The following LPP variants were observed in gnomAD, a reference collection of about 807,000 sequenced individuals.
LPP encodes the protein LIM domain containing preferred translocation partner in lipoma, also known as lipoma-preferred partner.
LPP carries 38 observed loss-of-function variants against 60.4 expected under a neutral mutation model. The ratio of observed to expected loss-of-function variants is 0.63; its 90% CI spans 0.49 to 0.83. LPP has a LOEUF of 0.83. Among genes scored for constraint, LPP ranks in the 40% least tolerant of loss-of-function variants. LPP has a pLI of 0.00. For missense variants in LPP, 902 were observed against 783.6 expected (o/e 1.15, Z -1.80); for synonymous variants, 328 against 290.8 (o/e 1.13, Z -1.30).
chr3:188,696,993 C>T (rs1312624565), intron 7 of LPP, among the ~76,000 whole-genome samples: 1 of 152,152 alleles, frequency 6.6e-6, no homozygotes, highest in Non-Finnish European at 1.5e-5. Flanking sequence ...ACTTTTTTCT[C>T]TTCTTTGGCT....
At chr3:188,732,716 C>CAAAAAAAAA (rs1167795146) in intron 8 of LPP, among the ~76,000 whole-genome samples, 1 of 74,344 alleles carries the variant, frequency 1.3e-5, no homozygotes, top group Non-Finnish European at 2.4e-5. Context: ...AGACTCTTAT[C>CAAAAAAAAA]AAAAAAAAAA....
chr3:188,555,014 A>G (rs1829133705), intron 6 of LPP, among the ~76,000 whole-genome samples: 1 of 152,148 alleles, frequency 6.6e-6, no homozygotes, highest in African/African-American at 2.4e-5. Context: ...CATAGTTGCT[A>G]TTCTGCACAA....
At chr3:188,491,882 T>A (rs1808482604) in intron 5 of LPP, among the ~76,000 whole-genome samples, 2 of 152,224 alleles carry the variant, frequency 1.3e-5, no homozygotes, top group Admixed American at 1.3e-4. Flanking sequence ...ATTAGGAAAC[T>A]TTTAATGGAA....
At chr3:188,786,382 CAAAAAAAAAAAAAAAAA>C (rs57565042) in intron 9 of LPP, among the ~76,000 whole-genome samples, 2 of 76,656 alleles carry the variant, frequency 2.6e-5, no homozygotes, top group African/African-American at 4.8e-5. Context: ...GACTCCGTCT[CAAAAAAAAAAAAAAAAA>C]AAAAAAAAAA....
intron 1 of LPP, among the ~76,000 whole-genome samples, chr3:188,177,421 A>G (rs1178200131): frequency 6.6e-6 from 1 of 152,190 alleles, no homozygotes; most frequent in Non-Finnish European, 1.5e-5. Flanking sequence ...GGACCAGCAT[A>G]GGAGGGTGGC....
chr3:188,766,379 A>AAAAAAAAAAAAAAAAAAT (rs1217247163), intron 9 of LPP, among the ~76,000 whole-genome samples: 1 of 69,182 alleles, frequency 1.4e-5, no homozygotes, highest in South Asian at 4.5e-4. Flanking sequence ...CTTAAAAAGC[A>AAAAAAAAAAAAAAAAAAT]AAAAAAAAAG....
intron 9 of LPP, among the ~76,000 whole-genome samples, chr3:188,775,250 A>G (rs1021906953): frequency 3.9e-5 from 6 of 151,946 alleles, no homozygotes. Context: ...ACGGGGTTTC[A>G]CCATGTTGGC....
At chr3:188,473,662 A>G (rs1463816871) in intron 4 of LPP, among the ~76,000 whole-genome samples, 1 of 152,154 alleles carries the variant, frequency 6.6e-6, no homozygotes, top group Non-Finnish European at 1.5e-5. Flanking sequence ...GTATTTTCAA[A>G]TTCTGTCTAT....
intron 2 of LPP, among the ~76,000 whole-genome samples, chr3:188,261,590 T>C (rs1355743029): frequency 3.3e-5 from 5 of 152,156 alleles, no homozygotes; most frequent in African/African-American, 9.7e-5. Context: ...AAATCATATA[T>C]AGCTTCATGA....
intron 2 of LPP, among the ~76,000 whole-genome samples, chr3:188,337,798 C>G (rs924687819): frequency 6.6e-6 from 1 of 152,158 alleles, no homozygotes; most frequent in Non-Finnish European, 1.5e-5. Flanking sequence ...TCGTGCCTGG[C>G]CCAGTTATTT....
chr3:188,767,843 C>T (rs1734641434), intron 9 of LPP, among the ~76,000 whole-genome samples: 1 of 152,048 alleles, frequency 6.6e-6, no homozygotes. Context: ...TATGTATTAA[C>T]TTAAAAAACT....
chr3:188,816,780 T>A (rs1011688046), intron 9 of LPP, among the ~76,000 whole-genome samples: 1 of 152,230 alleles, frequency 6.6e-6, no homozygotes, highest in African/African-American at 2.4e-5. Context: ...AAGACCAAGT[T>A]TTATGAAATA....
chr3:188,645,726 C>A (rs539581855), intron 7 of LPP, among the ~76,000 whole-genome samples: 2 of 151,400 alleles, frequency 1.3e-5, no homozygotes, highest in Non-Finnish European at 2.9e-5. Context: ...AGGGATAGTG[C>A]ATTTATAAGA....
At position 188,874,513 on chromosome 3, in the gene LPP, A is replaced by G; in HGVS notation, c.*34A>G. 1 of 1,602,824 alleles carries G rather than the reference A, an allele frequency of 6.2e-7. No homozygotes were observed. The highest frequency in any genetic ancestry group is 8.5e-7 in the Non-Finnish European group (1 of 1,171,698). On this transcript the variant is annotated 3_prime_UTR_variant, in exon 12 of 12. Transcript: ENST00000617246. ...ACCTGTTCAGCCGGCACTGAGAAGA[A>G]CGAACACAAGAAAAAGATAAGAAAT...
At chr3:188,567,458 G>C (rs1163659979) in intron 6 of LPP, among the ~76,000 whole-genome samples, 1 of 151,692 alleles carries the variant, frequency 6.6e-6, no homozygotes, top group East Asian at 1.9e-4. Context: ...CACATATTAA[G>C]TGACACCTGT....
intron 3 of LPP, among the ~76,000 whole-genome samples, chr3:188,394,767 A>G (rs76761662): frequency 0.01 from 1,574 of 152,294 alleles, 32 homozygotes; most frequent in African/African-American, 0.035. Context: ...GATTTGAAAC[A>G]GCCTGGTTCA....
chr3:188,210,383 G>A lies in LPP; in HGVS notation c.-189-15022G>A, dbSNP rs996046018. 3.9e-5 allele frequency among the ~76,000 whole-genome samples: 6 copies of A among 152,142 alleles called. 1 individual carries two copies. Among genetic ancestry groups the A allele is most frequent in the Non-Finnish European group, 7.3e-5 (5 of 68,036 alleles). On this transcript the variant is annotated intron_variant, in intron 1 of 11. Transcript: ENST00000617246. ...CCTGAGAGGCAGAACGTGAAGCAAG[G>A]GATGGAAGGCCGGGGAGGAACCAGA... is the stretch of plus-strand genomic sequence containing the variant.
At chr3:188,602,778 T>C (rs1841650190) in intron 6 of LPP, among the ~76,000 whole-genome samples, 1 of 151,338 alleles carries the variant, frequency 6.6e-6, no homozygotes, top group Non-Finnish European at 1.5e-5. Flanking sequence ...TCCTTTGTTG[T>C]TCAGATGAAG....
intron 6 of LPP, among the ~76,000 whole-genome samples, chr3:188,596,094 G>A (rs1248392415): frequency 6.6e-6 from 1 of 152,124 alleles, no homozygotes; most frequent in Non-Finnish European, 1.5e-5. Context: ...TTTGGCACAG[G>A]GGAGTGAATT....
Sources: allele counts gnomAD v4.1 joint callset (sites outside exome capture counted in the v4.1 genomes callset), GRCh38; gene constraint gnomAD v4.1.1; transcripts MANE v1.5; gene names NCBI Gene and HGNC (gene_info 2026-07-23, HGNC 2026-07-21).